ELF1: variants seen among roughly 807,000 people sequenced by gnomAD.
ELF1 encodes the protein E74 like ETS transcription factor 1, also known as ETS-related transcription factor Elf-1.
In ELF1, 24 loss-of-function variants were observed where a neutral mutation model predicts 59.9. The ratio of observed to expected loss-of-function variants is 0.40; its 90% confidence interval spans 0.29 to 0.56. ELF1 has a LOEUF of 0.56. ELF1 is among the 20% of genes least tolerant of loss of function. The pLI, the probability that ELF1 is intolerant of heterozygous loss-of-function variation, is 0.44. For missense variants in ELF1, 627 were observed against 742.2 expected (o/e 0.84, Z 1.80); for synonymous variants, 248 against 266.2 (o/e 0.93, Z 0.67).
chr13:41,026,679 G>C (rs1469118778), intron 1 of ELF1, among the ~76,000 whole-genome samples: 1 of 152,076 alleles, frequency 6.6e-6, no homozygotes, highest in Non-Finnish European at 1.5e-5. Context: ...CATTCACCAC[G>C]GGCCACCAAG....
At chr13:40,986,845 G>A (rs1264083474) in intron 1 of ELF1, among the ~76,000 whole-genome samples, 3 of 151,498 alleles carry the variant, frequency 2.0e-5, no homozygotes, top group Non-Finnish European at 4.4e-5. Context: ...ATCACTGATT[G>A]AATGTAAATT....
intron 1 of ELF1, among the ~76,000 whole-genome samples, chr13:40,984,102 A>T (rs1414112144): frequency 6.6e-6 from 1 of 152,254 alleles, no homozygotes; most frequent in Non-Finnish European, 1.5e-5. Context: ...AACTGAATAC[A>T]TGTTTGAGTA....
chr13:40,974,566 G>A (rs1872787746), intron 2 of ELF1, among the ~76,000 whole-genome samples: 1 of 152,064 alleles, frequency 6.6e-6, no homozygotes, highest in South Asian at 2.1e-4. Flanking sequence ...ACAGTGCATG[G>A]GGCAAGATGC....
At chr13:40,937,458 A>G (rs564304719) in intron 8 of ELF1, among the ~76,000 whole-genome samples, 3 of 152,302 alleles carry the variant, frequency 2.0e-5, no homozygotes, top group African/African-American at 7.2e-5. Flanking sequence ...TCTAATAATT[A>G]GCAAGGCTGA....
chr13:40,964,851 A>G (rs1461246275), intron 2 of ELF1, among the ~76,000 whole-genome samples: 1 of 152,008 alleles, frequency 6.6e-6, no homozygotes. Flanking sequence ...TCCCCTTTTT[A>G]TAAGGACACC....
chr13:41,019,459 TG>T (rs1257297254), upstream of ELF1: 9 of 953,434 alleles, frequency 9.4e-6, no homozygotes, highest in African/African-American at 1.6e-4. Context: ...TATAGGAAAG[TG>T]GGGATGAAGA....
chr13:40,955,536 C>T (rs1187028662), intron 3 of ELF1, among the ~76,000 whole-genome samples: 4 of 76,036 alleles, frequency 5.3e-5, no homozygotes, highest in East Asian at 3.8e-4. Context: ...CCGCCCCGTC[C>T]GGGAAGTAGG....
intron 1 of ELF1, among the ~76,000 whole-genome samples, chr13:41,039,644 AAGAC>A (rs1484104746): frequency 6.6e-6 from 1 of 152,230 alleles, no homozygotes. Flanking sequence ...ATTTAGTTCT[AAGAC>A]AGTTTTTTAT....
chr13:41,006,480 G>A (rs1394899217), intron 1 of ELF1, among the ~76,000 whole-genome samples: 2 of 152,106 alleles, frequency 1.3e-5, no homozygotes, highest in Non-Finnish European at 2.9e-5. Context: ...GAGTCTCAGA[G>A]CAGCTGCAGA....
upstream of ELF1, among the ~76,000 whole-genome samples, chr13:41,023,245 T>C (rs1193171110): frequency 1.3e-5 from 2 of 152,220 alleles, no homozygotes; most frequent in Non-Finnish European, 2.9e-5. Flanking sequence ...CTTTTTACTG[T>C]TACCTCTTCC....
At position 40,933,205 on chromosome 13, in the gene ELF1, G is replaced by A. The variant is rs1869525044; in HGVS notation, c.*220C>T. ...AATCTCAAAAGAATGTCTTCATAGT[G>A]TAAAATGCCTGTTCCTTCACGATTG... is the stretch of plus-strand genomic sequence containing the variant. On this transcript the variant is annotated 3_prime_UTR_variant, in exon 9 of 9. Transcript: ENST00000239882. The A allele has an allele frequency of 3.6e-6, 2 of 550,630 alleles. No individual in the cohort carries two copies. The highest frequency in any genetic ancestry group is 3.7e-5 in the Admixed American group (1 of 27,050). The allele number at this position is 550,630 out of a possible 1,614,324, so 34.1% of individuals were successfully genotyped here.
chr13:40,993,841 G>T (rs562772472), intron 1 of ELF1, among the ~76,000 whole-genome samples: 1 of 151,902 alleles, frequency 6.6e-6, no homozygotes, highest in Admixed American at 6.6e-5. Context: ...GCAGAGGGAA[G>T]TGCCCAGGAC....
intron 3 of ELF1, among the ~76,000 whole-genome samples, chr13:40,955,773 G>A (rs1188322616): frequency 5.0e-5 from 4 of 79,880 alleles, no homozygotes; most frequent in South Asian, 4.2e-4. Context: ...GGAGGGAGGC[G>A]GGGGGGTCAG....
At chr13:41,026,158 C>T (rs1875895839) in intron 1 of ELF1, among the ~76,000 whole-genome samples, 1 of 152,096 alleles carries the variant, frequency 6.6e-6, no homozygotes, top group Non-Finnish European at 1.5e-5. Flanking sequence ...CATAGCATGT[C>T]AGAGGTTGGG....
chr13:41,040,479 C>T (rs183877540), intron 1 of ELF1, among the ~76,000 whole-genome samples: 1 of 152,032 alleles, frequency 6.6e-6, no homozygotes, highest in East Asian at 1.9e-4. Flanking sequence ...CATTTCGGTA[C>T]CAGGGACAGT....
At chr13:40,996,647 G>A (rs1046153270) in intron 1 of ELF1, among the ~76,000 whole-genome samples, 6 of 152,140 alleles carry the variant, frequency 3.9e-5, no homozygotes, top group Admixed American at 3.3e-4. Flanking sequence ...CAAGTGCACC[G>A]CTCTGGTGCA....
At chr13:40,979,399 G>C (rs1000470683) in intron 2 of ELF1, among the ~76,000 whole-genome samples, 1 of 152,162 alleles carries the variant, frequency 6.6e-6, no homozygotes, top group African/African-American at 2.4e-5. Flanking sequence ...CAGAAAGGTT[G>C]AGTAACTTGC....
At chr13:41,012,704 T>G (rs1175933724) in intron 1 of ELF1, among the ~76,000 whole-genome samples, 6 of 151,840 alleles carry the variant, frequency 4.0e-5, no homozygotes, top group Non-Finnish European at 8.8e-5. Flanking sequence ...ACACCACACC[T>G]GGCTAACTTA....
At chr13:41,036,235 A>T (rs1566196110) in intron 1 of ELF1, among the ~76,000 whole-genome samples, 1 of 152,258 alleles carries the variant, frequency 6.6e-6, no homozygotes, top group East Asian at 1.9e-4. Flanking sequence ...TTTTTTTCTA[A>T]TTAGAAGCAG....
Sources: gnomAD v4.1 joint callset for allele counts (sites outside exome capture counted in the v4.1 genomes callset) on GRCh38, gnomAD v4.1.1 for gene constraint, MANE v1.5 for transcripts, NCBI Gene and HGNC (gene_info 2026-07-23, HGNC 2026-07-21) for gene names.